CLTCL1: variants seen among roughly 807,000 people sequenced by gnomAD.
CLTCL1 encodes the protein clathrin heavy chain 2.
A neutral mutation model predicts 190.0 loss-of-function variants in CLTCL1; 159 were observed. That is an observed-to-expected ratio of 0.84 (90% CI 0.74 to 0.95). CLTCL1 has a LOEUF of 0.95. CLTCL1 is among the 40% of genes least tolerant of loss of function. CLTCL1 has a pLI of 0.00. For synonymous variants in CLTCL1, 752 were observed against 769.6 expected, an observed-to-expected ratio of 0.98 and a Z score of 0.38; for missense variants, 1,878 against 2,033.4, an observed-to-expected ratio of 0.92 and a Z score of 1.47.
intron 3 of CLTCL1, among the ~76,000 whole-genome samples, chr22:19,244,031 A>G (rs1323289264): frequency 6.6e-6 from 1 of 152,158 alleles, no homozygotes; most frequent in Non-Finnish European, 1.5e-5. Context: ...ATTTCAGTAC[A>G]TTTATATCCA....
chr22:19,258,357 G>A, intron 2 of CLTCL1: 1 of 399,778 alleles, frequency 2.5e-6, no homozygotes, highest in Admixed American at 3.0e-5. Flanking sequence ...GAGCACCACA[G>A]TGGTCATCAC....
At chr22:19,230,039 T>C (rs2085868852) in intron 10 of CLTCL1, 64 bp from the exon 11 acceptor site, 1 of 1,421,974 alleles carries the variant, frequency 7.0e-7, no homozygotes, top group African/African-American at 1.5e-5. Flanking sequence ...ATTTTCCTAT[T>C]GAAATAGTTC....
In CLTCL1 at chr22:19,225,603, C is replaced by A; in HGVS notation, c.1978G>T (p.Val660Leu). The change falls in exon 13 of 33, where the codon GTG (valine) becomes TTG (leucine). Residue 660 changes from valine (V) to leucine (L), a missense_variant. Val to Leu is a conservative substitution (Grantham distance 32, BLOSUM62 1). Transcript: ENST00000427926. ...WLVNFFGSLS[V>L]EDSVECLHAM... ...TGCAGACACTCCACAGAATCCTCCA[C>A]CGATAAGGAGCCAAAGAAATTGACA... is the stretch of plus-strand genomic sequence containing the variant. 1 of 1,570,816 alleles carries A rather than the reference C, an allele frequency of 6.4e-7. No individual in the cohort carries two copies. The highest frequency in any genetic ancestry group is 8.6e-7 in the Non-Finnish European group (1 of 1,158,758).
intron 2 of CLTCL1, among the ~76,000 whole-genome samples, chr22:19,264,705 T>C (rs2087060378): frequency 6.6e-6 from 1 of 152,210 alleles, no homozygotes; most frequent in Non-Finnish European, 1.5e-5. Flanking sequence ...AGAAAGTCTT[T>C]AATGATATCA....
chr22:19,195,690 A>G (rs1236767780), intron 26 of CLTCL1, among the ~76,000 whole-genome samples: 1 of 152,150 alleles, frequency 6.6e-6, no homozygotes, highest in Non-Finnish European at 1.5e-5. Context: ...AAGAGACCGG[A>G]AACAAAATAA....
At chr22:19,188,175 G>A (rs782623669) in intron 27 of CLTCL1, 84 bp from the exon 28 acceptor site, 8 of 1,224,420 alleles carry the variant, frequency 6.5e-6, no homozygotes, top group Non-Finnish European at 9.6e-6. Flanking sequence ...GCACGTGCGT[G>A]CCATCCACTT....
At position 19,226,306 on chromosome 22, in the gene CLTCL1, T is replaced by C; in HGVS notation, c.1860A>G (p.Ala620=). The C allele has an allele frequency of 6.2e-7, 1 of 1,614,066 alleles. No individual in the cohort carries two copies. Among genetic ancestry groups the C allele is most frequent in the Non-Finnish European group, 8.5e-7 (1 of 1,179,888 alleles). ...GCTCCAGTGCTTGCTGCAGGAGGCC[T>C]GCCTTCTCACAGAGCTGGGCAATGT... ...RAHIAQLCEK[A]GLLQQALEHY... The change falls in exon 12 of 33, where the codon GCA becomes GCG. Residue 620 remains alanine, a synonymous_variant. Coordinates refer to ENST00000427926, the MANE Select transcript of CLTCL1 (RefSeq NM_007098.4).
chr22:19,200,186 A>C (rs1326489574), intron 23 of CLTCL1, among the ~76,000 whole-genome samples: 2 of 152,182 alleles, frequency 1.3e-5, no homozygotes, highest in Non-Finnish European at 2.9e-5. Context: ...ATCAGAATGC[A>C]TCTCATCTGA....
rs2085947419 is a variant in CLTCL1, at chr22:19,232,514, G to C, written c.1606C>G (p.Leu536Val). ...PEQGLQFSRM[L>V]VQDEEPLANI... is the part of the protein sequence containing the mutation. ...GCCAGCGGCTCCTCGTCCTGCACTA[G>C]CATTCGAGAAAACTGCAGGCCCTGT... The change falls in exon 10 of 33, where the codon CTA becomes GTA. Residue 536 changes from leucine (L) to valine (V), a missense_variant. Transcript: ENST00000427926. 2 of 1,613,864 alleles carry C rather than the reference G, an allele frequency of 1.2e-6. No homozygotes were observed. Among genetic ancestry groups the C allele is most frequent in the African/African-American group, 2.7e-5 (2 of 74,922 alleles).
Position 19,210,478 on chromosome 22 carries a change from T to G in CLTCL1, c.3097A>C (p.Ile1033Leu), listed in dbSNP as rs140709833. 5 of 1,613,892 alleles carry G rather than the reference T, an allele frequency of 3.1e-6. No homozygotes were observed. Among genetic ancestry groups the G allele is most frequent in the Non-Finnish European group, 4.2e-6 (5 of 1,179,862 alleles). The change falls in exon 20 of 33, where the codon ATC becomes CTC. Residue 1033 changes from isoleucine (I) to leucine (L), a missense_variant. Ile to Leu is a conservative substitution (Grantham distance 5). Coordinates refer to ENST00000427926, the MANE Select transcript of CLTCL1 (RefSeq NM_007098.4). ...NLQNLLILTA[I>L]KADRTRVMEY... ...ATGACCCGTGTGCGGTCTGCCTTGA[T>G]GGCAGTCAGGATCAACAGATTCTGT...
At chr22:19,256,354 C>CTTTTT (rs1239133099) in intron 2 of CLTCL1, among the ~76,000 whole-genome samples, 9 of 104,338 alleles carry the variant, frequency 8.6e-5, no homozygotes, top group Non-Finnish European at 1.3e-4. Context: ...TTTCTTTTAT[C>CTTTTT]TTTTTTTTTT....
chr22:19,187,516 C>A, intron 29 of CLTCL1, 42 bp downstream of exon 29: 1 of 1,588,142 alleles, frequency 6.3e-7, no homozygotes, highest in Non-Finnish European at 8.6e-7. Flanking sequence ...AGGAAACACA[C>A]CAAGGCAGGA....
intron 27 of CLTCL1, 123 bp downstream of exon 27, chr22:19,191,181 C>G: frequency 8.9e-7 from 1 of 1,127,788 alleles, no homozygotes; most frequent in Non-Finnish European, 1.3e-6. Context: ...CTTTGATACA[C>G]TGGTGAATCT....
intron 26 of CLTCL1, among the ~76,000 whole-genome samples, chr22:19,191,704 G>C (rs1309633169): frequency 1.3e-5 from 2 of 152,096 alleles, no homozygotes; most frequent in Non-Finnish European, 2.9e-5. Context: ...CAGGGTCCAC[G>C]ATCACTCAGT....
At chr22:19,252,814 G>A (rs5993567) in intron 3 of CLTCL1, among the ~76,000 whole-genome samples, 1,622 of 152,132 alleles carry the variant, frequency 0.011, 13 homozygotes, top group African/African-American at 0.02. Flanking sequence ...GGAGATCAAG[G>A]CCATCCTGGC....
intron 2 of CLTCL1, among the ~76,000 whole-genome samples, chr22:19,265,232 T>C (rs1339793885): frequency 2.0e-5 from 3 of 152,214 alleles, no homozygotes; most frequent in African/African-American, 7.2e-5. Context: ...CTTTTGGACA[T>C]AATTTAGGTG....
chr22:19,249,418 T>C (rs1483996645), intron 3 of CLTCL1, among the ~76,000 whole-genome samples: 3 of 152,024 alleles, frequency 2.0e-5, no homozygotes, highest in Non-Finnish European at 2.9e-5. Context: ...AAATATATAT[T>C]TGCACTCTAC....
At chr22:19,262,747 G>A (rs994400728) in intron 2 of CLTCL1, among the ~76,000 whole-genome samples, 3 of 150,686 alleles carry the variant, frequency 2.0e-5, no homozygotes, top group African/African-American at 7.3e-5. Flanking sequence ...TTTACAACTC[G>A]CAGCTGGGTA....
At chr22:19,264,994 G>A (rs1555977274) in intron 2 of CLTCL1, among the ~76,000 whole-genome samples, 1 of 152,038 alleles carries the variant, frequency 6.6e-6, no homozygotes, top group Non-Finnish European at 1.5e-5. Context: ...TCACCATGTT[G>A]GCCAGGCTGG....
Sources: allele counts gnomAD v4.1 joint callset (sites outside exome capture counted in the v4.1 genomes callset), GRCh38; gene constraint gnomAD v4.1.1; transcripts MANE v1.5; gene names NCBI Gene and HGNC (gene_info 2026-07-23, HGNC 2026-07-21).